The following P2RY12 variants were observed in gnomAD, a reference collection of about 807,000 sequenced individuals.
P2RY12 encodes the protein P2Y purinoceptor 12.
In P2RY12, 3 loss-of-function variants were observed where a neutral mutation model predicts 4.5. That is an observed-to-expected ratio of 0.67 (90% CI 0.31 to 1.74). The LOEUF (loss-of-function observed/expected upper bound fraction) is 1.74, where lower values mean the gene tolerates loss of function less well. Ranked by LOEUF, P2RY12 falls within the 40% of genes most tolerant of loss-of-function variation. The pLI is 0.09. For missense variants in P2RY12, 356 were observed against 407.8 expected (o/e 0.87, Z 1.09); for synonymous variants, 148 against 154.1 (o/e 0.96, Z 0.29).
At chr3:151,344,715 A>G (rs914757979) in intron 1 of P2RY12, among the ~76,000 whole-genome samples, 6 of 152,212 alleles carry the variant, frequency 3.9e-5, no homozygotes, top group African/African-American at 1.4e-4. Context: ...CATCCACTTC[A>G]TCTGTTTTTA....
chr3:151,364,860 G>T, intron 1 of P2RY12: 1 of 707,590 alleles, frequency 1.4e-6, no homozygotes, highest in Non-Finnish European at 2.5e-6. Flanking sequence ...AACTCATAAT[G>T]TGAATCTTCT....
chr3:151,374,785 A>G (rs1432726937), intron 1 of P2RY12, among the ~76,000 whole-genome samples: 2 of 152,156 alleles, frequency 1.3e-5, no homozygotes, highest in East Asian at 1.9e-4. Flanking sequence ...AGCTCTGGCT[A>G]TAGAATAGCT....
intron 1 of P2RY12, chr3:151,378,009 T>C: frequency 1.9e-6 from 3 of 1,590,398 alleles, no homozygotes; most frequent in Non-Finnish European, 1.7e-6. Flanking sequence ...TTTCTGATTT[T>C]AGTTCCTCCG....
intron 1 of P2RY12, among the ~76,000 whole-genome samples, chr3:151,377,759 A>C (rs1445205833): frequency 6.6e-6 from 1 of 152,218 alleles, no homozygotes; most frequent in Non-Finnish European, 1.5e-5. Flanking sequence ...GGGTCATCGG[A>C]AAACATTAAA....
intron 1 of P2RY12, among the ~76,000 whole-genome samples, chr3:151,383,048 A>G (rs1046871843): frequency 1.3e-5 from 2 of 152,230 alleles, no homozygotes; most frequent in African/African-American, 4.8e-5. Context: ...GAAGACTGTT[A>G]TAAGTGTTAG....
At chr3:151,349,945 G>T in intron 1 of P2RY12, 1 of 864,610 alleles carries the variant, frequency 1.2e-6, no homozygotes. Context: ...GGGAGGGCGG[G>T]ATGCCACCAC....
intron 1 of P2RY12, among the ~76,000 whole-genome samples, chr3:151,356,894 C>T (rs144768678): frequency 1.1e-3 from 174 of 151,980 alleles, no homozygotes; most frequent in African/African-American, 4.0e-3. Context: ...AGCCAAATAA[C>T]TTTCATTTTA....
At chr3:151,346,714 C>T (rs1041760559) in intron 1 of P2RY12, among the ~76,000 whole-genome samples, 1 of 152,152 alleles carries the variant, frequency 6.6e-6, no homozygotes, top group African/African-American at 2.4e-5. Context: ...ACCATCTCAG[C>T]TCTCTTAGCC....
chr3:151,354,140 C>CA (rs63033360), intron 1 of P2RY12, among the ~76,000 whole-genome samples: 9,101 of 62,670 alleles, frequency 0.15, 1,422 homozygotes, highest in Middle Eastern at 0.18. Context: ...GACTCCGTCT[C>CA]AAAAAAAAAA....
At chr3:151,374,911 T>A (rs1023069465) in intron 1 of P2RY12, among the ~76,000 whole-genome samples, 2 of 152,240 alleles carry the variant, frequency 1.3e-5, no homozygotes, top group African/African-American at 4.8e-5. Flanking sequence ...CCCTCCCATA[T>A]ATTTGTTTTA....
At chr3:151,384,179 G>T (rs762721689) in intron 1 of P2RY12, 1 of 1,613,532 alleles carries the variant, frequency 6.2e-7, no homozygotes, top group South Asian at 1.1e-5. Flanking sequence ...GATCTGAAGA[G>T]AACAAGCGTG....
chr3:151,372,468 AT>A, intron 1 of P2RY12: 1 of 827,626 alleles, frequency 1.2e-6, no homozygotes, highest in Non-Finnish European at 2.0e-6. Flanking sequence ...AATACTGTTC[AT>A]ATATTTTAAA....
chr3:151,369,596 A>C (rs757608174), intron 1 of P2RY12: 1 of 1,215,422 alleles, frequency 8.2e-7, no homozygotes, highest in Non-Finnish European at 1.2e-6. Flanking sequence ...ACCAGAAATG[A>C]AGGCAAAATA....
Position 151,338,691 on chromosome 3 carries a change from T to C in P2RY12, c.155A>G (p.Gln52Arg), listed in dbSNP as rs763377288. 4 of 1,613,612 alleles carry C rather than the reference T, an allele frequency of 2.5e-6. No homozygotes were observed. Among genetic ancestry groups the C allele is most frequent in the Non-Finnish European group, 2.5e-6 (3 of 1,179,852 alleles). ...AATAAAGTTTGATTTACTCCGGATTTGAAAGAAAATCCTCATCGCCAGGCC... is the reference window on the plus strand; with the variant it reads ...AATAAAGTTTGATTTACTCCGGATTCGAAAGAAAATCCTCATCGCCAGGCC... ...TNGLAMRIFF[Q>R]IRSKSNFIIF... Residue 52 changes from glutamine to arginine, a missense_variant, in exon 3 of 3, where the codon CAA (glutamine) becomes CGA (arginine). Gln to Arg is a conservative substitution (Grantham distance 43). Transcript: ENST00000302632.
intron 2 of P2RY12, 63 bp from the exon 3 acceptor site, chr3:151,338,922 T>C (rs1751420791): frequency 8.2e-6 from 12 of 1,466,512 alleles, no homozygotes; most frequent in Admixed American, 7.2e-5. Context: ...CTGTTATCTC[T>C]GTGTGTAACT....
chr3:151,372,384 A>G (rs529323789), intron 1 of P2RY12, among the ~76,000 whole-genome samples: 46 of 152,274 alleles, frequency 3.0e-4, no homozygotes, highest in African/African-American at 1.1e-3. Flanking sequence ...TTTCTGTTAG[A>G]AACTTCTCTG....
intron 1 of P2RY12, among the ~76,000 whole-genome samples, chr3:151,373,976 T>C (rs1756504342): frequency 1.3e-5 from 2 of 152,126 alleles, no homozygotes; most frequent in African/African-American, 4.8e-5. Flanking sequence ...AATATATCCA[T>C]ACACTTAAAT....
chr3:151,338,764 A>G lies in P2RY12; in HGVS notation c.82T>C (p.Phe28Leu). 6.2e-7 allele frequency: 1 copy of G among 1,613,670 alleles called. No homozygotes were observed. The highest frequency in any genetic ancestry group is 8.5e-7 in the Non-Finnish European group (1 of 1,179,854). ...TRDYKITQVL[F>L]PLLYTVLFFV... ...AACAGGACAGTGTAGAGCAGTGGGA[A>G]GAGGACCTGGGTGATTTTGTAGTCT... The change falls in exon 3 of 3, where the codon TTC (phenylalanine) becomes CTC (leucine). Residue 28 changes from phenylalanine to leucine, a missense_variant. Transcript: ENST00000302632.
At chr3:151,367,847 A>G (rs1755473747) in intron 1 of P2RY12, 1 of 1,483,560 alleles carries the variant, frequency 6.7e-7, no homozygotes, top group African/African-American at 1.4e-5. Context: ...ACACAGGGAA[A>G]GGAGTATTTG....
Sources: allele counts gnomAD v4.1 joint callset (sites outside exome capture counted in the v4.1 genomes callset), GRCh38; gene constraint gnomAD v4.1.1; transcripts MANE v1.5; gene names NCBI Gene and HGNC (gene_info 2026-07-23, HGNC 2026-07-21).